ATG7: variants seen among roughly 807,000 people sequenced by gnomAD.
ATG7 encodes autophagy related 7, also known as ubiquitin-like modifier-activating enzyme ATG7.
Under a neutral mutation model 82.4 loss-of-function variants are expected in ATG7, and 70 were observed. The ratio of observed to expected loss-of-function variants is 0.85; its 90% CI spans 0.70 to 1.04. ATG7 has a LOEUF of 1.04. ATG7 is among the 50% of genes least tolerant of loss of function. ATG7 has a pLI of 0.00. For missense variants in ATG7, 792 were observed against 864.3 expected (o/e 0.92, Z 1.05); for synonymous variants, 287 against 313.0 (o/e 0.92, Z 0.88).
rs767617137 is a variant in ATG7 at position 11,308,979 on chromosome 3, T to C, written c.334-5T>C. On this transcript the variant is annotated splice_region_variant and splice_polypyrimidine_tract_variant and intron_variant, in intron 6 of 20. Transcript: ENST00000693202. Reference sequence around the variant, plus strand: ...CCTGCCTTGATGCTTTTCTTCTTCTTGCAGATATGGGAATCCATAAAATCA... The same window carrying C: ...CCTGCCTTGATGCTTTTCTTCTTCTCGCAGATATGGGAATCCATAAAATCA... 3 of 1,612,718 alleles carry C rather than the reference T, an allele frequency of 1.9e-6. No individual in the cohort carries two copies. In the South Asian group the frequency reaches 3.3e-5, roughly 18 times the overall value.
At chr3:11,367,763 T>G (rs1379642463) in intron 18 of ATG7, among the ~76,000 whole-genome samples, 2 of 151,736 alleles carry the variant, frequency 1.3e-5, no homozygotes, top group East Asian at 1.9e-4. Flanking sequence ...TTTGGGTTTT[T>G]TTTTTTTTTT....
intron 20 of ATG7, among the ~76,000 whole-genome samples, chr3:11,490,705 G>A (rs1397603136): frequency 6.6e-6 from 1 of 152,064 alleles, no homozygotes; most frequent in Non-Finnish European, 1.5e-5. Context: ...TGTCTGTAAA[G>A]TATTTTATTT....
chr3:11,470,008 AAGAG>A (rs1553684785), intron 20 of ATG7, among the ~76,000 whole-genome samples: 3 of 141,090 alleles, frequency 2.1e-5, no homozygotes, highest in African/African-American at 8.0e-5. Flanking sequence ...AAAAAAAAAA[AAGAG>A]AGAGAGAGAT....
At chr3:11,573,291 GAAAGAAAGA>G in the ATG7 span, among the ~76,000 whole-genome samples, 6 of 10,914 alleles carry the variant, frequency 5.5e-4, no homozygotes, top group East Asian at 2.8e-3. Flanking sequence ...AAGAAAGAAA[GAAAGAAAGA>G]AAGAAAGGAA....
intron 7 of ATG7, among the ~76,000 whole-genome samples, chr3:11,310,273 A>G (rs1329322911): frequency 1.3e-5 from 2 of 152,150 alleles, no homozygotes; most frequent in Admixed American, 6.5e-5. Context: ...GAGCGGGCAT[A>G]TAAACACAGT....
At chr3:11,280,236 C>T (rs1008919337) in intron 1 of ATG7, among the ~76,000 whole-genome samples, 5 of 151,968 alleles carry the variant, frequency 3.3e-5, no homozygotes, top group Non-Finnish European at 4.4e-5. Flanking sequence ...TTAGTAGAGA[C>T]GGGATTTCGC....
intron 3 of ATG7, among the ~76,000 whole-genome samples, chr3:11,286,594 T>C (rs1179469539): frequency 5.9e-5 from 8 of 135,508 alleles, no homozygotes; most frequent in African/African-American, 1.7e-4. Context: ...TTTTTTTTTT[T>C]TTTTTTTTTT....
chr3:11,486,827 T>G (rs1196723276), intron 20 of ATG7, among the ~76,000 whole-genome samples: 5 of 142,354 alleles, frequency 3.5e-5, no homozygotes, highest in South Asian at 2.5e-4. Flanking sequence ...TCTGTTTTTT[T>G]TTTTTTTTTT....
At chr3:11,514,904 G>A (rs1422589082) in intron 20 of ATG7, among the ~76,000 whole-genome samples, 6 of 148,758 alleles carry the variant, frequency 4.0e-5, no homozygotes, top group Non-Finnish European at 8.9e-5. Context: ...GCAGTGGCAT[G>A]ATCTCAGCTC....
chr3:11,431,999 T>C (rs2082936944), intron 20 of ATG7, among the ~76,000 whole-genome samples: 1 of 152,228 alleles, frequency 6.6e-6, no homozygotes, highest in South Asian at 2.1e-4. Flanking sequence ...TGCAATGATT[T>C]TGAACTAGGT....
chr3:11,537,874 C>A (rs2070452884), intron 20 of ATG7, among the ~76,000 whole-genome samples: 1 of 152,152 alleles, frequency 6.6e-6, no homozygotes, highest in South Asian at 2.1e-4. Context: ...GAGCTGGTGG[C>A]TGGTAGAGCC....
chr3:11,293,976 C>T (rs1013370129), intron 3 of ATG7, among the ~76,000 whole-genome samples: 19 of 148,416 alleles, frequency 1.3e-4, no homozygotes, highest in African/African-American at 4.7e-4. Flanking sequence ...TGAAATTGCA[C>T]CATTGCACTC....
In ATG7 at chr3:11,342,234, G is replaced by A; in HGVS notation, c.1080G>A (p.Leu360=). The part of the protein sequence containing the change: ...LDKVVSVKCL[L]LGAGTLGCNV... The stretch of plus-strand genomic sequence containing the variant: ...AGGTTGTGTCTGTCAAATGTCTGCT[G>A]CTTGGAGCCGGCACCTTGGGTTGCA... The change falls in exon 13 of 21, where the codon CTG becomes CTA. Residue 360 remains leucine (L), a synonymous_variant. Transcript: ENST00000693202. The A allele has an allele frequency of 1.9e-6, 3 of 1,613,568 alleles. No individual in the cohort carries two copies. The highest frequency in any genetic ancestry group is 2.5e-6 in the Non-Finnish European group (3 of 1,179,992).
At chr3:11,437,195 G>A (rs953860499) in intron 20 of ATG7, among the ~76,000 whole-genome samples, 8 of 152,154 alleles carry the variant, frequency 5.3e-5, no homozygotes, top group African/African-American at 7.2e-5. Flanking sequence ...ACAGGCTGTC[G>A]TAGGATGTTA....
chr3:11,514,680 T>A (rs939146652), intron 20 of ATG7, among the ~76,000 whole-genome samples: 2 of 152,226 alleles, frequency 1.3e-5, no homozygotes, highest in African/African-American at 4.8e-5. Context: ...AGTGGCCTGA[T>A]ATGCATAGCA....
At position 11,308,985 on chromosome 3, in the gene ATG7, T is replaced by TA. The variant is rs1311372268; in HGVS notation, c.336dup (p.Trp113MetfsTer11). On this transcript the variant is annotated frameshift_variant and splice_region_variant, in exon 7 of 21. Transcript: ENST00000693202. LOFTEE classifies it high-confidence loss of function. ...TTGATGCTTTTCTTCTTCTTGCAGATATGGGAATCCATAAAATCAGGCACT... is the reference window on the plus strand; with the variant it reads ...TTGATGCTTTTCTTCTTCTTGCAGATAATGGGAATCCATAAAATCAGGCACT... The TA allele has an allele frequency of 1.9e-6, 3 of 1,613,300 alleles. No homozygotes were observed. Among genetic ancestry groups the TA allele is most frequent in the African/African-American group, 1.3e-5 (1 of 75,034 alleles).
chr3:11,470,146 G>C (rs1405443841), intron 20 of ATG7, among the ~76,000 whole-genome samples: 2 of 152,190 alleles, frequency 1.3e-5, no homozygotes, highest in South Asian at 4.1e-4. Context: ...TGCCTGGTGT[G>C]AGTATGTCTT....
chr3:11,512,710 G>T (rs1210230628), intron 20 of ATG7, among the ~76,000 whole-genome samples: 2 of 152,170 alleles, frequency 1.3e-5, no homozygotes, highest in African/African-American at 4.8e-5. Context: ...CCCAAAGAGT[G>T]AGCAGTAGCA....
intron 19 of ATG7, among the ~76,000 whole-genome samples, chr3:11,385,243 T>C (rs1184954496): frequency 6.6e-6 from 1 of 152,166 alleles, no homozygotes; most frequent in African/African-American, 2.4e-5. Context: ...TTGGCCAGGT[T>C]GGTCTCAATC....
Sources: allele counts gnomAD v4.1 joint callset (sites outside exome capture counted in the v4.1 genomes callset), GRCh38; gene constraint gnomAD v4.1.1; transcripts MANE v1.5; gene names NCBI Gene and HGNC (gene_info 2026-07-23, HGNC 2026-07-21).